The following CAND2 variants were observed in gnomAD, a reference collection of about 807,000 sequenced individuals.
CAND2 encodes the protein cullin associated and neddylation dissociated 2 (putative).
A neutral mutation model predicts 98.9 loss-of-function variants in CAND2; 62 were observed. That is an observed-to-expected ratio of 0.63 (90% confidence interval 0.51 to 0.77). CAND2 has a LOEUF of 0.77. Ranked by LOEUF, CAND2 falls within the 30% of genes least tolerant of loss-of-function variation. The pLI is 0.00. For synonymous variants in CAND2, 770 were observed against 731.9 expected, an observed-to-expected ratio of 1.05 and a Z score of -0.84; for missense variants, 1,501 against 1,655.2, an observed-to-expected ratio of 0.91 and a Z score of 1.62.
At chr3:12,832,025 G>A (rs1156533804) in intron 14 of CAND2, among the ~76,000 whole-genome samples, 2 of 152,220 alleles carry the variant, frequency 1.3e-5, no homozygotes, top group African/African-American at 4.8e-5. Context: ...GATGTGGGGT[G>A]CAAGCCCTCA....
rs752326270 is a variant in CAND2 at position 12,817,496 on chromosome 3, G to A, written c.2564G>A (p.Gly855Glu). 1.6e-5 allele frequency: 26 copies of A among 1,613,612 alleles called. No homozygotes were observed. Among genetic ancestry groups the A allele is most frequent in the Non-Finnish European group, 2.1e-5 (25 of 1,179,944 alleles). ...CTGGCTGAGGTGGGTCAGGTGGCTG[G>A]GCCAGGCCACCAGCGGGAGCTGAAG... is the stretch of plus-strand genomic sequence containing the variant. The part of the protein sequence containing the change: ...LSLAEVGQVA[G>E]PGHQRELKAV... The change falls in exon 10 of 15, where the codon GGG (glycine) becomes GAG (glutamate). Residue 855 changes from glycine to glutamate, a missense_variant. Physicochemically the swap from Gly to Glu is moderately conservative, Grantham distance 98. This residue lies in a region of CAND2 where 1,427 missense variants were observed against 1,545.3 expected (regional missense o/e 0.92). Coordinates refer to ENST00000456430, the MANE Select transcript of CAND2 (RefSeq NM_001162499.2).
At chr3:12,802,709 C>T (rs2061775336) in intron 1 of CAND2, among the ~76,000 whole-genome samples, 1 of 152,214 alleles carries the variant, frequency 6.6e-6, no homozygotes, top group Admixed American at 6.5e-5. Flanking sequence ...CATCATGTGG[C>T]ACTTAACGAC....
At chr3:12,801,979 G>A (rs1218452643) in intron 1 of CAND2, among the ~76,000 whole-genome samples, 3 of 152,184 alleles carry the variant, frequency 2.0e-5, no homozygotes, top group Non-Finnish European at 4.4e-5. Context: ...TCCTCCATCT[G>A]TTTGGCAGAC....
At chr3:12,798,555 G>A (rs2061743278) in intron 1 of CAND2, among the ~76,000 whole-genome samples, 2 of 152,170 alleles carry the variant, frequency 1.3e-5, no homozygotes. Context: ...GGTAGTGATT[G>A]TTCTTCCTGT....
At chr3:12,826,391 C>CT (rs1456222282) in intron 12 of CAND2, among the ~76,000 whole-genome samples, 2 of 151,486 alleles carry the variant, frequency 1.3e-5, no homozygotes, top group Non-Finnish European at 3.0e-5. Flanking sequence ...TAAAACAGGG[C>CT]TTCATGGTTG....
chr3:12,803,296 C>T (rs1299384114), intron 1 of CAND2, among the ~76,000 whole-genome samples, 192 bp from the exon 2 acceptor site: 1 of 151,992 alleles, frequency 6.6e-6, no homozygotes, highest in Non-Finnish European at 1.5e-5. Flanking sequence ...CCGGCCAGCT[C>T]CATTATAATC....
chr3:12,803,748 G>A (rs568801046), intron 2 of CAND2, 117 bp downstream of exon 2: 23 of 845,484 alleles, frequency 2.7e-5, no homozygotes, highest in South Asian at 4.8e-5. Flanking sequence ...AGCAGCTCTC[G>A]TTGAATGGTA....
At chr3:12,812,940 A>T (rs376875751) in intron 5 of CAND2, 50 bp from the exon 6 acceptor site, 4 of 1,182,220 alleles carry the variant, frequency 3.4e-6, no homozygotes, top group South Asian at 1.3e-5. Context: ...GGCTGGGGGA[A>T]CTCCGGGAGA....
rs747742827 is a variant in CAND2 at position 12,816,513 on chromosome 3, G to A, written c.1581G>A (p.Met527Ile). The A allele has an allele frequency of 1.9e-6, 3 of 1,613,898 alleles. No homozygotes were observed. Among genetic ancestry groups the A allele is most frequent in the African/African-American group, 2.7e-5 (2 of 74,944 alleles). Residue 527 changes from methionine (M) to isoleucine (I), a missense_variant, in exon 10 of 15, where the codon ATG (methionine) becomes ATA (isoleucine). Physicochemically the swap from Met to Ile is conservative, Grantham distance 10. Transcript: ENST00000456430. ...TGCCTATCCTCCTGCCACCTGTGAT[G>A]GCCTGTGTGGCTGACTCTTTCTACA... ...PHLPILLPPV[M>I]ACVADSFYKI...
At chr3:12,806,270 T>C (rs1479794960) in intron 2 of CAND2, among the ~76,000 whole-genome samples, 1 of 152,190 alleles carries the variant, frequency 6.6e-6, no homozygotes, top group Non-Finnish European at 1.5e-5. Flanking sequence ...ATCACGCCAC[T>C]GTATTCCAGC....
At chr3:12,832,210 A>T (rs1276103208) in intron 14 of CAND2, 1 of 152,278 alleles carries the variant, frequency 6.6e-6, no homozygotes, top group Non-Finnish European at 1.5e-5. Context: ...GTGATTTTCA[A>T]AAATGAAATC....
intron 12 of CAND2, 21 bp downstream of exon 12, chr3:12,825,660 C>G (rs1444525116): frequency 6.3e-7 from 1 of 1,584,036 alleles, no homozygotes; most frequent in South Asian, 1.2e-5. Flanking sequence ...GAGCTGGGGA[C>G]CCAGGGGAAG....
intron 13 of CAND2, among the ~76,000 whole-genome samples, chr3:12,829,239 G>A (rs1473560019): frequency 2.0e-5 from 3 of 152,132 alleles, no homozygotes; most frequent in Admixed American, 6.5e-5. Flanking sequence ...TCCGCCTCCC[G>A]GGTTCAAGTG....
At position 12,816,518 on chromosome 3, in the gene CAND2, G is replaced by A. The variant is rs1294540406; in HGVS notation, c.1586G>A (p.Cys529Tyr). ...LPILLPPVMA[C>Y]VADSFYKIAA... ...ATCCTCCTGCCACCTGTGATGGCCT[G>A]TGTGGCTGACTCTTTCTACAAGATT... is the stretch of plus-strand genomic sequence containing the variant. Residue 529 changes from cysteine (C) to tyrosine (Y), a missense_variant, in exon 10 of 15, where the codon TGT becomes TAT. Around this residue, in one of 3 missense-constraint regions of CAND2, gnomAD observed 1,427 missense variants for 1,545.3 expected, o/e 0.92. Transcript: ENST00000456430. 2.5e-6 allele frequency: 4 copies of A among 1,614,016 alleles called. No individual in the cohort carries two copies. Among genetic ancestry groups the A allele is most frequent in the Non-Finnish European group, 3.4e-6 (4 of 1,179,966 alleles).
chr3:12,806,807 C>T (rs79819343), intron 2 of CAND2, among the ~76,000 whole-genome samples: 2,841 of 152,298 alleles, frequency 0.019, 89 homozygotes, highest in African/African-American at 0.065. Context: ...AACAAGCTCC[C>T]GAGTGGCATT....
rs1468892271 is a variant in CAND2, at chr3:12,834,797, T to G, written c.*815T>G. ...TCCCAGGTTAATAAAGATTAGATTC[T>G]AAGTTACTTCTTTCCTCTGCACGAC... On this transcript the variant is annotated 3_prime_UTR_variant, in exon 15 of 15. Coordinates refer to ENST00000456430, the MANE Select transcript of CAND2 (RefSeq NM_001162499.2). The G allele has an allele frequency of 6.6e-6, 1 of 152,166 alleles. No homozygotes were observed. Among genetic ancestry groups the G allele is most frequent in the African/African-American group, 2.4e-5 (1 of 41,418 alleles). The allele number at this position is 152,166 out of a possible 1,614,324, so 9.4% of individuals were successfully genotyped here.
chr3:12,825,705 A>T, intron 12 of CAND2, 66 bp downstream of exon 12: 1 of 1,447,156 alleles, frequency 6.9e-7, no homozygotes, highest in South Asian at 1.2e-5. Flanking sequence ...CCTCACTGTT[A>T]GGGCATTATT....
intron 14 of CAND2, among the ~76,000 whole-genome samples, chr3:12,833,345 C>A (rs116554420): frequency 0.025 from 3,730 of 152,226 alleles, 160 homozygotes; most frequent in African/African-American, 0.083. Context: ...AGAAGACCAT[C>A]GCAGTGATCC....
chr3:12,813,882 C>A (rs2061875280), intron 7 of CAND2, among the ~76,000 whole-genome samples: 2 of 152,214 alleles, frequency 1.3e-5, no homozygotes, highest in Admixed American at 6.5e-5. Context: ...TTGATAGCTT[C>A]TTTCCTCCTA....
Sources: gnomAD v4.1 joint callset for allele counts (sites outside exome capture counted in the v4.1 genomes callset) on GRCh38, gnomAD v4.1.1 for gene constraint, gnomAD v4.1.1 regional missense constraint, MANE v1.5 for transcripts, NCBI Gene and HGNC (gene_info 2026-07-23, HGNC 2026-07-21) for gene names.